PHLDB3: variants seen among roughly 807,000 people sequenced by gnomAD.
The protein encoded by PHLDB3 is pleckstrin homology like domain family B member 3, also known as pleckstrin homology-like domain family B member 3.
In PHLDB3, 86 loss-of-function variants were observed where a neutral mutation model predicts 85.7. That is an observed-to-expected ratio of 1.00 (90% CI 0.84 to 1.20). The LOEUF is 1.20. PHLDB3 is among the 50% of genes most tolerant of loss of function. The probability of loss-of-function intolerance (pLI) is 0.00; values close to 1 mark genes in which losing one functional copy is unlikely to be tolerated. For missense variants in PHLDB3, 995 were observed against 873.0 expected (o/e 1.14, Z -1.76); for synonymous variants, 376 against 349.8 (o/e 1.07, Z -0.83).
chr19:43,477,594 A>G (rs1970953800), intron 15 of PHLDB3, among the ~76,000 whole-genome samples: 1 of 151,018 alleles, frequency 6.6e-6, no homozygotes, highest in African/African-American at 2.5e-5. Flanking sequence ...AGGTGGGCAG[A>G]TCATGAGGTC....
intron 6 of PHLDB3, chr19:43,496,702 C>T (rs1420116280): frequency 2.5e-5 from 5 of 197,176 alleles, no homozygotes; most frequent in East Asian, 2.2e-4. Context: ...AAGCACAGGA[C>T]GTGGAGGCTG....
At chr19:43,502,344 G>C in intron 2 of PHLDB3, 61 bp from the exon 3 acceptor site, 3 of 1,478,086 alleles carry the variant, frequency 2.0e-6, no homozygotes, top group Non-Finnish European at 2.7e-6. Context: ...CACTAAGTAG[G>C]TCTGGTCCCC....
chr19:43,502,089 C>T lies in PHLDB3; in HGVS notation c.396+12G>A. The T allele has an allele frequency of 1.3e-6, 2 of 1,562,570 alleles. No individual in the cohort carries two copies. The highest frequency in any genetic ancestry group is 1.7e-6 in the Non-Finnish European group (2 of 1,154,166). On this transcript the variant is annotated intron_variant, in intron 3 of 15. Coordinates refer to ENST00000292140, the MANE Select transcript of PHLDB3 (RefSeq NM_198850.4). ...GTTGGGGCCAGGCTTCCCAAGGGGT[C>T]CGCAGCCTCACCTCGATCCTCAGCT...
rs1971001211 is a variant in PHLDB3 at position 43,479,610 on chromosome 19, CG to C, written c.1486-18del. 6.7e-7 allele frequency: 1 copy of C among 1,494,520 alleles called. No homozygotes were observed. Among genetic ancestry groups the C allele is most frequent in the Non-Finnish European group, 9.1e-7 (1 of 1,099,434 alleles). The allele number at this position is 1,494,520 out of a possible 1,614,324, so 92.6% of individuals were successfully genotyped here. A position where few individuals can be genotyped will look rare whatever the true frequency, so the allele number is the denominator to read the frequency against. ...GGGTGGGGCCTGGGGAGCAAAGAGA[CG>C]GGGCAGCTGATGTAAGGGGCGGGGG... On this transcript the variant is annotated intron_variant, in intron 13 of 15. Coordinates refer to ENST00000292140, the MANE Select transcript of PHLDB3 (RefSeq NM_198850.4).
At chr19:43,482,775 T>C (rs1971074672) in intron 13 of PHLDB3, among the ~76,000 whole-genome samples, 1 of 152,116 alleles carries the variant, frequency 6.6e-6, no homozygotes, top group African/African-American at 2.4e-5. Context: ...TGACCTCAGG[T>C]GATCTGCCCA....
chr19:43,497,744 T>C lies in PHLDB3; in HGVS notation c.663+4A>G. On this transcript the variant is annotated splice_donor_region_variant and intron_variant, in intron 5 of 15. Transcript: ENST00000292140. ...ACAAAAAAGAAAGAACCAGATGCCA[T>C]TACCTCCTGCACACCCTGCAGAAGC... is the stretch of plus-strand genomic sequence containing the variant. 6.4e-7 allele frequency: 1 copy of C among 1,551,210 alleles called. No individual in the cohort carries two copies. Among genetic ancestry groups the C allele is most frequent in the Non-Finnish European group, 8.7e-7 (1 of 1,146,926 alleles).
At chr19:43,481,866 G>A (rs1361834940) in intron 13 of PHLDB3, among the ~76,000 whole-genome samples, 2 of 151,788 alleles carry the variant, frequency 1.3e-5, no homozygotes, top group East Asian at 3.9e-4. Flanking sequence ...AAACAGAGAT[G>A]AGATCTGCTG....
intron 4 of PHLDB3, 65 bp from the exon 5 acceptor site, chr19:43,497,941 A>G: frequency 6.5e-7 from 1 of 1,542,786 alleles, no homozygotes; most frequent in Non-Finnish European, 8.7e-7. Context: ...AGCCAGCCAT[A>G]TCTCAGAGCC....
At position 43,479,361 on chromosome 19, in the gene PHLDB3, G is replaced by T; in HGVS notation, c.1702+16C>A. On this transcript the variant is annotated intron_variant, in intron 14 of 15. Coordinates refer to ENST00000292140, the MANE Select transcript of PHLDB3 (RefSeq NM_198850.4). ...TTCCAGCGTCCTGGGGCCCATGGTG[G>T]CCAGGCTGGGCTTACCCGCATAGTA... 6.4e-7 allele frequency: 1 copy of T among 1,552,804 alleles called. No homozygotes were observed. The highest frequency in any genetic ancestry group is 2.4e-5 in the East Asian group (1 of 40,998).
intron 13 of PHLDB3, among the ~76,000 whole-genome samples, chr19:43,485,081 A>C (rs72626203): frequency 0.18 from 27,014 of 151,978 alleles, 2,686 homozygotes; most frequent in East Asian, 0.44. Context: ...AATGTTAAAT[A>C]AAATAAATAA....
chr19:43,480,151 G>C (rs1283196752), intron 13 of PHLDB3, among the ~76,000 whole-genome samples: 4 of 151,054 alleles, frequency 2.6e-5, no homozygotes, highest in Non-Finnish European at 5.9e-5. Context: ...ATTGGAGCCT[G>C]TGTGGTGGCT....
intron 9 of PHLDB3, among the ~76,000 whole-genome samples, chr19:43,487,591 A>AAAAAAAAAAAAAAAAAAAAAAAAAAACAC (rs1167897767): frequency 8.6e-6 from 1 of 115,806 alleles, no homozygotes; most frequent in African/African-American, 3.1e-5. Flanking sequence ...AAAAAAAAAA[A>AAAAAAAAAAAAAAAAAAAAAAAAAAACAC]ACACAGAAAA....
chr19:43,501,917 A>G (rs1345335833), intron 3 of PHLDB3, 46 bp from the exon 4 acceptor site: 1 of 1,539,806 alleles, frequency 6.5e-7, no homozygotes, highest in Non-Finnish European at 8.7e-7. Flanking sequence ...CCTAGGTCCA[A>G]GGAAGAGGCC....
chr19:43,478,079 C>T lies in PHLDB3; in HGVS notation c.1756G>A (p.Val586Ile). 1 of 1,613,716 alleles carries T rather than the reference C, an allele frequency of 6.2e-7. No individual in the cohort carries two copies. Among genetic ancestry groups the T allele is most frequent in the Non-Finnish European group, 8.5e-7 (1 of 1,179,670 alleles). The change falls in exon 15 of 16, where the codon GTC becomes ATC. Residue 586 changes from valine to isoleucine, a missense_variant. Physicochemically the swap from Val to Ile is conservative, Grantham distance 29. Transcript: ENST00000292140. ...GCACAGCGTAAGTGGTCATAATAGA[C>T]TTCCTCAATGGCCTGGAAGTAGATG... ...GVIYFQAIEEVYYDHLRCAFK... is the reference protein window; with the variant it reads ...GVIYFQAIEEIYYDHLRCAFK...
Position 43,475,461 on chromosome 19 carries a change from G to A in PHLDB3, c.1872C>T (p.Arg624=). 1.2e-6 allele frequency: 2 copies of A among 1,614,008 alleles called. No individual in the cohort carries two copies. The highest frequency in any genetic ancestry group is 1.7e-6 in the Non-Finnish European group (2 of 1,179,878). The change falls in exon 16 of 16, where the codon CGC becomes CGT. Residue 624 remains arginine, a synonymous_variant. Coordinates refer to ENST00000292140, the MANE Select transcript of PHLDB3 (RefSeq NM_198850.4). ...YMVAPSPEAM[R]IWMDVIVTAA... Reference sequence around the variant, plus strand: ...CGGTCACGATGACGTCCATCCAAATGCGCATGGCTTCGGGGCTCGGAGCCA... The same window carrying A: ...CGGTCACGATGACGTCCATCCAAATACGCATGGCTTCGGGGCTCGGAGCCA...
Position 43,475,429 on chromosome 19 carries a change from T to TC in PHLDB3, c.1903dup (p.Asp635GlyfsTer103), listed in dbSNP as rs1340125336. 6.2e-7 allele frequency: 1 copy of TC among 1,613,786 alleles called. No homozygotes were observed. On this transcript the variant is annotated frameshift_variant, in exon 16 of 16. Transcript: ENST00000292140. LOFTEE classifies it high-confidence loss of function. ...GGCCACTCAGGGGGCGTGGTTTTCG[T>TC]CAGCGGCGGTCACGATGACGTCCAT...
chr19:43,500,739 T>C (rs573460364), intron 4 of PHLDB3, among the ~76,000 whole-genome samples: 8 of 152,262 alleles, frequency 5.3e-5, no homozygotes, highest in Middle Eastern at 3.4e-3. Context: ...TGGGCTCAAT[T>C]GATCCTCCCA....
rs1368307441 is a variant in PHLDB3, at chr19:43,495,568, A to G, written c.878T>C (p.Leu293Pro). 6.2e-7 allele frequency: 1 copy of G among 1,610,448 alleles called. No homozygotes were observed. The highest frequency in any genetic ancestry group is 1.7e-5 in the Admixed American group (1 of 59,436). ...GCTCTCGGCTGCCATCTGCTCCCCC[A>G]GTGACTTGAGCTGCTCTTCCAGGAC... Reference protein sequence around the residue: ...IRVLEEQLKSLGEQMAAESRG... With the variant: ...IRVLEEQLKSPGEQMAAESRG... Residue 293 changes from leucine (L) to proline (P), a missense_variant, in exon 7 of 16, where the codon CTG becomes CCG. Leu to Pro is a moderately conservative substitution (Grantham distance 98, BLOSUM62 -3). Transcript: ENST00000292140.
intron 13 of PHLDB3, among the ~76,000 whole-genome samples, chr19:43,481,641 A>T (rs1360897630): frequency 6.6e-6 from 1 of 151,774 alleles, no homozygotes; most frequent in Non-Finnish European, 1.5e-5. Flanking sequence ...CAAAAATACA[A>T]ACATTAGCCA....
Sources: gnomAD v4.1 joint callset for allele counts (sites outside exome capture counted in the v4.1 genomes callset) on GRCh38, gnomAD v4.1.1 for gene constraint, MANE v1.5 for transcripts, NCBI Gene and HGNC (gene_info 2026-07-23, HGNC 2026-07-21) for gene names.